The following MTM1 variants were observed in gnomAD, a reference collection of about 807,000 sequenced individuals.
The protein encoded by MTM1 is myotubularin.
MTM1 carries 9 observed loss-of-function variants against 52.1 expected under a neutral mutation model. The ratio of observed to expected loss-of-function variants is 0.17; its 90% CI spans 0.10 to 0.30. The LOEUF is 0.30. Ranked by LOEUF, MTM1 falls within the 10% of genes least tolerant of loss-of-function variation. The pLI is 1.00. For missense variants in MTM1, 277 were observed against 470.7 expected (o/e 0.59, Z 3.81); for synonymous variants, 136 against 163.8 (o/e 0.83, Z 1.29).
chrX:150,592,868 G>C (rs1306445250), intron 2 of MTM1, among the ~76,000 whole-genome samples, 191 bp downstream of exon 2: 1 of 104,649 alleles, frequency 9.6e-6, no homozygotes, highest in African/African-American at 3.6e-5. Context: ...TTTGGAGACA[G>C]AGTCTCGCTC....
intron 4 of MTM1, among the ~76,000 whole-genome samples, chrX:150,609,879 G>C (rs1557412933): frequency 1.8e-5 from 2 of 111,645 alleles, no homozygotes; most frequent in Non-Finnish European, 3.8e-5. Context: ...GCTCAGTGCT[G>C]CCAGATGAAT....
intron 10 of MTM1, among the ~76,000 whole-genome samples, chrX:150,651,485 G>GTTT (rs56302527): frequency 9.4e-5 from 7 of 74,793 alleles, no homozygotes; most frequent in Admixed American, 1.5e-4. Context: ...CAATTAGGTT[G>GTTT]TTTTTTTTTT....
In MTM1 at chrX:150,652,647, G is replaced by A. The variant is rs782350387; in HGVS notation, c.1053+2746G>A. 1.7e-4 allele frequency among the ~76,000 whole-genome samples: 9 copies of A among 52,776 alleles called. No homozygotes were observed. The East Asian group carries it at 2.7e-3, about 16-fold the overall frequency. The allele number at this position is 52,776 out of a possible 115,157, so 45.8% of individuals were successfully genotyped here. On this transcript the variant is annotated intron_variant, in intron 10 of 14. Transcript: ENST00000370396. ...TATACATATATATACGTGTGTGTGT[G>A]TATATATATATACACACACACACAC... is the stretch of plus-strand genomic sequence containing the variant.
chrX:150,665,492 GA>G (rs2040290851), intron 14 of MTM1, among the ~76,000 whole-genome samples: 1 of 112,575 alleles, frequency 8.9e-6, no homozygotes, highest in South Asian at 3.6e-4. Flanking sequence ...AATCGCATAG[GA>G]CTTTTAAAAG....
chrX:150,662,638 G>T (rs1217679986), intron 13 of MTM1, among the ~76,000 whole-genome samples: 1 of 112,233 alleles, frequency 8.9e-6, no homozygotes, highest in African/African-American at 3.2e-5. Context: ...AATTTCTTTA[G>T]TCACTTATTT....
At chrX:150,588,179 G>A (rs1478272874) in intron 1 of MTM1, among the ~76,000 whole-genome samples, 4 of 112,293 alleles carry the variant, frequency 3.6e-5, no homozygotes, top group African/African-American at 1.3e-4. Context: ...TTAAGTCTCA[G>A]TATGTTTCCA....
chrX:150,664,671 G>GT (rs1330878973), intron 14 of MTM1, among the ~76,000 whole-genome samples: 1 of 113,000 alleles, frequency 8.8e-6, no homozygotes, highest in Non-Finnish European at 1.9e-5. Context: ...TTTAACAGTA[G>GT]TTCTAGCATT....
chrX:150,601,085 G>T (rs1199873714), intron 4 of MTM1, among the ~76,000 whole-genome samples: 1 of 112,032 alleles, frequency 8.9e-6, no homozygotes, highest in Non-Finnish European at 1.9e-5. Flanking sequence ...CAAAAACCCA[G>T]AATGAACATG....
At chrX:150,631,429 G>A (rs782762278) in intron 6 of MTM1, among the ~76,000 whole-genome samples, 31 of 111,415 alleles carry the variant, frequency 2.8e-4, no homozygotes, top group Middle Eastern at 4.2e-3. Context: ...TTGGGAAGTC[G>A]AGGCAGGCAG....
chrX:150,655,217 C>T (rs998433307), intron 10 of MTM1, among the ~76,000 whole-genome samples: 11 of 106,947 alleles, frequency 1.0e-4, no homozygotes, highest in Non-Finnish European at 1.9e-4. Context: ...CCCAGCTACT[C>T]GGGAGGCTGA....
intron 10 of MTM1, among the ~76,000 whole-genome samples, chrX:150,653,297 G>A (rs2148502783): frequency 9.0e-6 from 1 of 111,486 alleles, no homozygotes; most frequent in South Asian, 3.8e-4. Flanking sequence ...CCAGCTTCTT[G>A]TAGGCATATC....
intron 1 of MTM1, among the ~76,000 whole-genome samples, chrX:150,590,452 G>A (rs782100437): frequency 4.5e-5 from 5 of 111,651 alleles, no homozygotes; most frequent in Non-Finnish European, 9.4e-5. Flanking sequence ...GGAGTGGTGG[G>A]TGACTGCTAA....
chrX:150,663,066 G>A (rs1366142534), intron 13 of MTM1, among the ~76,000 whole-genome samples: 1 of 111,942 alleles, frequency 8.9e-6, no homozygotes, highest in Non-Finnish European at 1.9e-5. Context: ...AAAGTCATTG[G>A]GATCTTAGGA....
intron 14 of MTM1, among the ~76,000 whole-genome samples, chrX:150,669,025 C>G (rs1252276068): frequency 1.8e-5 from 2 of 110,576 alleles, no homozygotes; most frequent in East Asian, 2.8e-4. Flanking sequence ...TAAGTTCCCT[C>G]CCCTCACCCC....
chrX:150,636,701 G>A (rs2039758203), intron 6 of MTM1, among the ~76,000 whole-genome samples: 1 of 112,139 alleles, frequency 8.9e-6, no homozygotes, highest in South Asian at 3.7e-4. Flanking sequence ...TGACAGTAGA[G>A]CCTTAGGCCT....
At chrX:150,612,257 T>C (rs2039295639) in intron 4 of MTM1, among the ~76,000 whole-genome samples, 1 of 111,738 alleles carries the variant, frequency 8.9e-6, no homozygotes, top group Admixed American at 9.5e-5. Flanking sequence ...CCAGGTTCCA[T>C]GTATCCATAG....
At chrX:150,608,741 T>A (rs1242922249) in intron 4 of MTM1, among the ~76,000 whole-genome samples, 1 of 111,147 alleles carries the variant, frequency 9.0e-6, no homozygotes, top group Non-Finnish European at 1.9e-5. Context: ...TCTCTGGAAC[T>A]TACTCCTCCT....
At chrX:150,602,003 A>T (rs222348) in intron 4 of MTM1, among the ~76,000 whole-genome samples, 26,226 of 110,447 alleles carry the variant, frequency 0.24, 3,707 homozygotes, top group African/African-American at 0.54. Flanking sequence ...ATCCTTCAGA[A>T]CCTACCTCAA....
chrX:150,583,157 TTA>T (rs1384590231), intron 1 of MTM1, among the ~76,000 whole-genome samples: 3 of 75,143 alleles, frequency 4.0e-5, no homozygotes, highest in African/African-American at 1.1e-4. Flanking sequence ...TATATATAAA[TTA>T]TATATATTAT....
Sources: gnomAD v4.1 joint callset for allele counts (sites outside exome capture counted in the v4.1 genomes callset) on GRCh38, gnomAD v4.1.1 for gene constraint, MANE v1.5 for transcripts, NCBI Gene and HGNC (gene_info 2026-07-23, HGNC 2026-07-21) for gene names.